Variants in AMPH observed in about 807,000 individuals in gnomAD.
The protein encoded by AMPH is amphiphysin.
AMPH carries 49 observed loss-of-function variants against 99.1 expected under a neutral mutation model. The ratio of observed to expected loss-of-function variants is 0.49; its 90% confidence interval spans 0.39 to 0.63. The LOEUF is 0.63. AMPH is among the 20% of genes least tolerant of loss of function. The pLI is 0.00. For missense variants in AMPH, 759 were observed against 863.4 expected, an observed-to-expected ratio of 0.88 and a Z score of 1.52; for synonymous variants, 314 against 317.3, an observed-to-expected ratio of 0.99 and a Z score of 0.11.
intron 1 of AMPH, among the ~76,000 whole-genome samples, chr7:38,610,932 T>C (rs188344704): frequency 1.3e-5 from 2 of 152,156 alleles, no homozygotes; most frequent in East Asian, 1.9e-4. Flanking sequence ...TTAGATCAAA[T>C]ATCAAGTTTA....
intron 2 of AMPH, among the ~76,000 whole-genome samples, chr7:38,528,972 C>T (rs925940989): frequency 3.3e-5 from 5 of 152,038 alleles, no homozygotes; most frequent in Non-Finnish European, 5.9e-5. Flanking sequence ...TTTCCCAGGA[C>T]CCTAAGTCCA....
intron 2 of AMPH, among the ~76,000 whole-genome samples, chr7:38,514,366 C>G (rs957559515): frequency 1.3e-5 from 2 of 152,134 alleles, no homozygotes; most frequent in African/African-American, 4.8e-5. Context: ...AAAGTTAATA[C>G]TAAGATGAAA....
intron 1 of AMPH, among the ~76,000 whole-genome samples, chr7:38,612,109 G>A (rs1280990753): frequency 8.4e-5 from 1 of 11,880 alleles, no homozygotes; most frequent in Non-Finnish European, 2.6e-4. Flanking sequence ...TTTTTTTTTT[G>A]AGATGGAGTT....
At chr7:38,518,988 G>C (rs905911530) in intron 2 of AMPH, among the ~76,000 whole-genome samples, 4 of 152,208 alleles carry the variant, frequency 2.6e-5, no homozygotes, top group Non-Finnish European at 5.9e-5. Flanking sequence ...CTCATAAATG[G>C]ATTAATGCCA....
chr7:38,620,529 T>C (rs1043038106), intron 1 of AMPH, among the ~76,000 whole-genome samples: 19 of 144,654 alleles, frequency 1.3e-4, no homozygotes, highest in African/African-American at 5.0e-4. Flanking sequence ...TATGCATCTA[T>C]GCTATATATA....
intron 1 of AMPH, among the ~76,000 whole-genome samples, chr7:38,542,710 C>T (rs1790851153): frequency 6.6e-6 from 1 of 152,180 alleles, no homozygotes; most frequent in South Asian, 2.1e-4. Context: ...AATCCCAACA[C>T]TTTGGGAGGC....
chr7:38,544,348 T>C (rs1264146559), intron 1 of AMPH, among the ~76,000 whole-genome samples: 1 of 152,132 alleles, frequency 6.6e-6, no homozygotes, highest in Non-Finnish European at 1.5e-5. Flanking sequence ...AAAGAGGACA[T>C]CCCCTCCTTG....
At chr7:38,579,311 A>C (rs1349249402) in intron 1 of AMPH, among the ~76,000 whole-genome samples, 1 of 152,088 alleles carries the variant, frequency 6.6e-6, no homozygotes, top group Non-Finnish European at 1.5e-5. Flanking sequence ...GCCACTCTCC[A>C]CTGGGATGTT....
intron 11 of AMPH, among the ~76,000 whole-genome samples, chr7:38,439,324 T>G (rs997886393): frequency 1.3e-5 from 2 of 152,238 alleles, no homozygotes; most frequent in African/African-American, 2.4e-5. Context: ...ATATCCATAA[T>G]GCCAATTGGA....
At chr7:38,450,574 G>C (rs1248480900) in intron 11 of AMPH, among the ~76,000 whole-genome samples, 1 of 152,168 alleles carries the variant, frequency 6.6e-6, no homozygotes, top group African/African-American at 2.4e-5. Context: ...GTGTACGGTC[G>C]ATTATATGCT....
intron 11 of AMPH, among the ~76,000 whole-genome samples, chr7:38,458,951 C>A (rs1011841861): frequency 6.6e-6 from 1 of 151,888 alleles, no homozygotes; most frequent in Non-Finnish European, 1.5e-5. Context: ...GATAGTATGA[C>A]CTTATAGCTA....
intron 3 of AMPH, among the ~76,000 whole-genome samples, chr7:38,501,194 T>C (rs556087314): frequency 6.6e-6 from 1 of 151,864 alleles, no homozygotes; most frequent in African/African-American, 2.4e-5. Flanking sequence ...AAATCACTTT[T>C]TCTTTTCCTT....
rs1481528083 is a variant in AMPH at position 38,525,277 on chromosome 7, T to TATATAG, written c.150+9653_150+9654insCTATAT. Among the ~76,000 whole-genome samples, 125 of 86,640 alleles carry TATATAG rather than the reference T, an allele frequency of 1.4e-3. 1 individual carries two copies. The highest frequency in any genetic ancestry group is 4.7e-3 in the East Asian group (13 of 2,770). The allele number at this position is 86,640 out of a possible 152,430, so 56.8% of individuals were successfully genotyped here. A position where few individuals can be genotyped will look rare whatever the true frequency, so the allele number is the denominator to read the frequency against. On this transcript the variant is annotated intron_variant, in intron 2 of 20. Coordinates refer to ENST00000356264, the MANE Select transcript of AMPH (RefSeq NM_001635.4). Reference sequence around the variant, plus strand: ...GTGTGTGTATATATATATATATATATAGAGAGAGAGAGAGAGAGAGAGAGA... The same window carrying TATATAG: ...GTGTGTGTATATATATATATATATATATATAGAGAGAGAGAGAGAGAGAGAGAGAGA...
At chr7:38,589,931 A>C (rs1584279175) in intron 1 of AMPH, among the ~76,000 whole-genome samples, 1 of 152,336 alleles carries the variant, frequency 6.6e-6, no homozygotes, top group East Asian at 1.9e-4. Flanking sequence ...AATGGATAAA[A>C]ACAGTAAACT....
At chr7:38,388,817 A>T (rs13226015) in intron 20 of AMPH, among the ~76,000 whole-genome samples, 27,896 of 151,714 alleles carry the variant, frequency 0.18, 3,016 homozygotes, top group Middle Eastern at 0.31. Context: ...TTAAAAAAAA[A>T]ATTTTTTGTA....
intron 1 of AMPH, among the ~76,000 whole-genome samples, chr7:38,553,478 C>T (rs1446072002): frequency 3.3e-5 from 5 of 152,200 alleles, no homozygotes; most frequent in Non-Finnish European, 5.9e-5. Context: ...TATACATAGT[C>T]ACGGAATAAA....
intron 7 of AMPH, among the ~76,000 whole-genome samples, chr7:38,470,998 T>C (rs1262157183): frequency 1.3e-5 from 2 of 152,196 alleles, no homozygotes; most frequent in African/African-American, 4.8e-5. Flanking sequence ...TAACTGCCTT[T>C]CCCTGTCCTT....
intron 1 of AMPH, among the ~76,000 whole-genome samples, chr7:38,627,277 C>T (rs1424628161): frequency 4.0e-5 from 6 of 151,572 alleles, no homozygotes; most frequent in African/African-American, 1.5e-4. Context: ...GGCGCGGTGG[C>T]TCGCACCTAT....
intron 15 of AMPH, among the ~76,000 whole-genome samples, chr7:38,425,935 T>C (rs569758261): frequency 6.6e-6 from 1 of 152,180 alleles, no homozygotes; most frequent in African/African-American, 2.4e-5. Flanking sequence ...CTGAAAAGAA[T>C]GAGAAATTGA....
Sources: gnomAD v4.1 joint callset for allele counts (sites outside exome capture counted in the v4.1 genomes callset) on GRCh38, gnomAD v4.1.1 for gene constraint, MANE v1.5 for transcripts, NCBI Gene and HGNC (gene_info 2026-07-23, HGNC 2026-07-21) for gene names.